The following SEMA6D variants were observed in gnomAD, a reference collection of about 807,000 sequenced individuals.
SEMA6D encodes semaphorin 6D, also known as semaphorin-6D.
In SEMA6D, 35 loss-of-function variants were observed where a neutral mutation model predicts 106.6. That is an observed-to-expected ratio of 0.33 (90% CI 0.25 to 0.44). The LOEUF (loss-of-function observed/expected upper bound fraction) is 0.44, where lower values mean the gene tolerates loss of function less well. Ranked by LOEUF, SEMA6D falls within the 20% of genes least tolerant of loss-of-function variation. The pLI, the probability that SEMA6D is intolerant of heterozygous loss-of-function variation, is 1.00. For missense variants in SEMA6D, 1,185 were observed against 1,345.9 expected, an observed-to-expected ratio of 0.88 and a Z score of 1.87; for synonymous variants, 499 against 487.7, an observed-to-expected ratio of 1.02 and a Z score of -0.31.
At chr15:47,287,017 G>T (rs887749824) in intron 1 of SEMA6D, among the ~76,000 whole-genome samples, 4 of 152,164 alleles carry the variant, frequency 2.6e-5, no homozygotes, top group African/African-American at 9.7e-5. Context: ...ATGGAAGAAT[G>T]TAGCTCTCAG....
At chr15:47,572,851 A>T (rs1402493803) in intron 3 of SEMA6D, among the ~76,000 whole-genome samples, 1 of 152,184 alleles carries the variant, frequency 6.6e-6, no homozygotes, top group East Asian at 1.9e-4. Context: ...CTTTTGCCAG[A>T]TACTATGTTA....
chr15:47,406,985 A>G (rs2146110593), intron 1 of SEMA6D, among the ~76,000 whole-genome samples: 1 of 152,338 alleles, frequency 6.6e-6, no homozygotes, highest in South Asian at 2.1e-4. Context: ...ACAAAAACAG[A>G]AAAAAGCAAA....
chr15:47,609,484 C>T (rs989690273), intron 4 of SEMA6D, among the ~76,000 whole-genome samples: 2 of 152,082 alleles, frequency 1.3e-5, no homozygotes, highest in African/African-American at 4.8e-5. Flanking sequence ...TATTTAGGTA[C>T]GTATTCGCTT....
chr15:47,561,050 A>G (rs1368704543), intron 3 of SEMA6D, among the ~76,000 whole-genome samples: 1 of 143,958 alleles, frequency 6.9e-6, no homozygotes, highest in African/African-American at 2.4e-5. Flanking sequence ...GGAAACTAAT[A>G]CAAAACAGAA....
At chr15:47,398,806 T>C (rs1377254757) in intron 1 of SEMA6D, among the ~76,000 whole-genome samples, 1 of 152,086 alleles carries the variant, frequency 6.6e-6, no homozygotes, top group Non-Finnish European at 1.5e-5. Context: ...CCTTTGCCTT[T>C]CAAACTCAGA....
chr15:47,426,833 A>G (rs1205390690), intron 2 of SEMA6D, among the ~76,000 whole-genome samples: 3 of 152,104 alleles, frequency 2.0e-5, no homozygotes, highest in African/African-American at 2.4e-5. Flanking sequence ...TCTTGTTACA[A>G]TTGTGGTAAT....
At chr15:47,517,926 C>G (rs1214819575) in intron 3 of SEMA6D, among the ~76,000 whole-genome samples, 2 of 152,104 alleles carry the variant, frequency 1.3e-5, no homozygotes, top group African/African-American at 2.4e-5. Flanking sequence ...GTCATTTGGC[C>G]CACCCTGACC....
At chr15:47,701,605 A>T (rs1338457310) in intron 4 of SEMA6D, among the ~76,000 whole-genome samples, 2 of 152,230 alleles carry the variant, frequency 1.3e-5, no homozygotes, top group Non-Finnish European at 2.9e-5. Flanking sequence ...AGACTTTAAA[A>T]CATGTTGTAC....
intron 4 of SEMA6D, among the ~76,000 whole-genome samples, chr15:47,650,073 G>A (rs1266659029): frequency 6.6e-6 from 1 of 152,174 alleles, no homozygotes; most frequent in Non-Finnish European, 1.5e-5. Flanking sequence ...GCCTGGATGT[G>A]CCAGTGATGT....
In SEMA6D at chr15:47,202,860, TG is replaced by T. The variant is rs371931187; in HGVS notation, c.-239+18443del. ...AATTACACTTCTAAGAGCGAAAAAA[TG>T]TGGACAAAGTGTAGGAAATTCTGTA... On this transcript the variant is annotated intron_variant, in intron 1 of 19. Coordinates refer to the SEMA6D transcript ENST00000558014. 4.1e-4 allele frequency among the ~76,000 whole-genome samples: 63 copies of T among 152,186 alleles called. 1 individual carries two copies. Among genetic ancestry groups the T allele is most frequent in the African/African-American group, 1.4e-3 (59 of 41,532 alleles).
At chr15:47,647,058 C>T (rs766111191) in intron 4 of SEMA6D, among the ~76,000 whole-genome samples, 5 of 152,128 alleles carry the variant, frequency 3.3e-5, no homozygotes, top group African/African-American at 1.2e-4. Flanking sequence ...CTCATCACTG[C>T]TGATTCAAAG....
At chr15:47,212,517 A>T (rs1317521825) in intron 1 of SEMA6D, among the ~76,000 whole-genome samples, 2 of 152,218 alleles carry the variant, frequency 1.3e-5, no homozygotes, top group Non-Finnish European at 2.9e-5. Flanking sequence ...TATTGTTAGG[A>T]TGATCACTAT....
chr15:47,512,208 T>G (rs1424343509), intron 3 of SEMA6D, among the ~76,000 whole-genome samples: 1 of 152,204 alleles, frequency 6.6e-6, no homozygotes, highest in African/African-American at 2.4e-5. Flanking sequence ...ACAGCACAAC[T>G]CTAGAGGGTG....
chr15:47,244,275 T>C (rs1332318605), intron 1 of SEMA6D, among the ~76,000 whole-genome samples: 1 of 152,160 alleles, frequency 6.6e-6, no homozygotes, highest in African/African-American at 2.4e-5. Flanking sequence ...ATCTTTTCCA[T>C]TGAGCAAGAA....
intron 1 of SEMA6D, among the ~76,000 whole-genome samples, chr15:47,333,056 C>T (rs2037405692): frequency 6.6e-6 from 1 of 152,152 alleles, no homozygotes; most frequent in South Asian, 2.1e-4. Flanking sequence ...GAACTTGTTA[C>T]ATGGAAGCTG....
rs2082215134 is a variant in SEMA6D, at chr15:47,764,237, G to A, written c.1029G>A (p.Arg343=). The A allele has an allele frequency of 4.3e-6, 7 of 1,613,834 alleles. No individual in the cohort carries two copies. The highest frequency in any genetic ancestry group is 5.9e-6 in the Non-Finnish European group (7 of 1,179,794). Residue 343 remains arginine (R), a synonymous_variant, in exon 11 of 19, where the codon CGG becomes CGA. Transcript: ENST00000536845. The stretch of plus-strand genomic sequence containing the variant: ...ACATTGAAAAAGTATTCAAAGGACG[G>A]TTTAAGGAACAGAAAACTCCAGATT... ...MDDIEKVFKG[R]FKEQKTPDSV...
chr15:47,749,744 G>C (rs1055463973), intron 1 of SEMA6D, among the ~76,000 whole-genome samples: 2 of 152,198 alleles, frequency 1.3e-5, no homozygotes, highest in African/African-American at 4.8e-5. Context: ...TGTGGTGGAC[G>C]TGTGATCTGG....
At chr15:47,502,815 A>C (rs1395577781) in intron 3 of SEMA6D, among the ~76,000 whole-genome samples, 3 of 152,216 alleles carry the variant, frequency 2.0e-5, no homozygotes, top group Non-Finnish European at 4.4e-5. Context: ...TATTAGGTTG[A>C]AGAAAAAGCA....
intron 4 of SEMA6D, among the ~76,000 whole-genome samples, chr15:47,665,906 A>G (rs185468659): frequency 6.6e-6 from 1 of 152,346 alleles, no homozygotes; most frequent in Admixed American, 6.5e-5. Context: ...TTGCAGATGA[A>G]GAAACAACCT....
Sources: allele counts gnomAD v4.1 joint callset (sites outside exome capture counted in the v4.1 genomes callset), GRCh38; gene constraint gnomAD v4.1.1; transcripts MANE v1.5; gene names NCBI Gene and HGNC (gene_info 2026-07-23, HGNC 2026-07-21).